The following D2HGDH variants were observed in gnomAD, a reference collection of about 807,000 sequenced individuals.
The protein encoded by D2HGDH is D-2-hydroxyglutarate dehydrogenase, mitochondrial.
Under a neutral mutation model 46.9 loss-of-function variants are expected in D2HGDH, and 31 were observed. The observed-to-expected ratio is 0.66, with a 90% confidence interval of 0.50 to 0.89. The LOEUF (loss-of-function observed/expected upper bound fraction) is 0.89. Ranked by LOEUF, D2HGDH falls within the 40% of genes least tolerant of loss-of-function variation. D2HGDH has a pLI of 0.00. For missense variants in D2HGDH, 698 were observed against 720.8 expected (o/e 0.97, Z 0.36); for synonymous variants, 364 against 332.6 (o/e 1.09, Z -1.03).
chr2:241,755,929 T>C lies in D2HGDH; in HGVS notation c.1221T>C (p.Pro407=). The C allele has an allele frequency of 6.2e-7, 1 of 1,612,556 alleles. No homozygotes were observed. Among genetic ancestry groups the C allele is most frequent in the Admixed American group, 1.7e-5 (1 of 60,010 alleles). The change falls in exon 9 of 10, where the codon CCT becomes CCC. Residue 407 remains proline (P), a synonymous_variant. Coordinates refer to ENST00000321264, the MANE Select transcript of D2HGDH (RefSeq NM_152783.5). The part of the protein sequence containing the change: ...GYVYKYDLSL[P]VERLYDIVTD... Reference sequence around the variant, plus strand: ...TGTACAAGTACGACCTCTCCCTCCCTGTGGAGCGGCTCTACGACATCGTGA... The same window carrying C: ...TGTACAAGTACGACCTCTCCCTCCCCGTGGAGCGGCTCTACGACATCGTGA...
At position 241,743,240 on chromosome 2, in the gene D2HGDH, G is replaced by T. The variant is rs933869080; in HGVS notation, c.491-382G>T. Among the ~76,000 whole-genome samples the T allele has an allele frequency of 6.6e-6, 1 of 152,216 alleles. No individual in the cohort carries two copies. Among genetic ancestry groups the T allele is most frequent in the Non-Finnish European group, 1.5e-5 (1 of 68,026 alleles). On this transcript the variant is annotated intron_variant, in intron 4 of 9. Coordinates refer to ENST00000321264, the MANE Select transcript of D2HGDH (RefSeq NM_152783.5). The surrounding 1 kb of genome is among the most constrained non-coding windows in gnomAD (Gnocchi z 4.8). ...CGCCTGCACTGTTGGGTGTTGAGCA[G>T]CATCCTTGGCCTCCGCCTACAAGGT...
chr2:241,752,286 G>A (rs542999763), intron 8 of D2HGDH, among the ~76,000 whole-genome samples: 1 of 152,172 alleles, frequency 6.6e-6, no homozygotes, highest in East Asian at 1.9e-4. Flanking sequence ...GGGCTCACTT[G>A]TGTGTCCTGA....
chr2:241,750,553 C>G (rs1252251725), intron 7 of D2HGDH, among the ~76,000 whole-genome samples: 54 of 152,206 alleles, frequency 3.5e-4, no homozygotes, highest in Non-Finnish European at 7.3e-5. Flanking sequence ...GCAGGAAGGA[C>G]GGGAAGGAAC....
At chr2:241,740,017 C>T (rs1423342517) in intron 2 of D2HGDH, among the ~76,000 whole-genome samples, 1 of 152,116 alleles carries the variant, frequency 6.6e-6, no homozygotes, top group South Asian at 2.1e-4. Context: ...TGGTGGCAGG[C>T]ACCTGTAGTC....
intron 9 of D2HGDH, among the ~76,000 whole-genome samples, chr2:241,760,369 G>T (rs542251455): frequency 7.0e-6 from 1 of 143,706 alleles, no homozygotes; most frequent in South Asian, 2.3e-4. Context: ...TACCCAATCA[G>T]TCGAAGGCCT....
At chr2:241,738,251 T>C (rs1413914421) in intron 2 of D2HGDH, among the ~76,000 whole-genome samples, 1 of 152,128 alleles carries the variant, frequency 6.6e-6, no homozygotes, top group African/African-American at 2.4e-5. Flanking sequence ...GGCTCACGAA[T>C]GTTGTCCCCG....
At chr2:241,740,965 G>A in intron 2 of D2HGDH, 68 bp from the exon 3 acceptor site, 1 of 1,340,784 alleles carries the variant, frequency 7.5e-7, no homozygotes, top group Non-Finnish European at 1.1e-6. Context: ...GCTCTCTGGG[G>A]CGAGTGACCA....
In D2HGDH at chr2:241,750,149, A is replaced by G; in HGVS notation, c.854-2A>G. On this transcript the variant is annotated splice_acceptor_variant, in intron 6 of 9. Coordinates refer to ENST00000321264, the MANE Select transcript of D2HGDH (RefSeq NM_152783.5). LOFTEE classifies it high-confidence loss of function. ...TGCTTGACATGCTGTGACCCGTTTCAGGCTGCCCAGGCTTTGCTGAGGTTC... is the reference window on the plus strand; with the variant it reads ...TGCTTGACATGCTGTGACCCGTTTCGGGCTGCCCAGGCTTTGCTGAGGTTC... 1 of 1,613,918 alleles carries G rather than the reference A, an allele frequency of 6.2e-7. No homozygotes were observed. The highest frequency in any genetic ancestry group is 8.5e-7 in the Non-Finnish European group (1 of 1,180,010).
intron 6 of D2HGDH, among the ~76,000 whole-genome samples, chr2:241,746,900 A>C (rs1253209644): frequency 6.6e-6 from 1 of 152,154 alleles, no homozygotes; most frequent in Non-Finnish European, 1.5e-5. Context: ...AAAAAAAAAA[A>C]AAAACTTTGA....
chr2:241,749,835 G>T, intron 6 of D2HGDH: 1 of 409,490 alleles, frequency 2.4e-6, no homozygotes. Context: ...TGATGCTGGT[G>T]GTGACACCAG....
At chr2:241,737,894 G>T (rs1338630124) in intron 2 of D2HGDH, among the ~76,000 whole-genome samples, 1 of 152,200 alleles carries the variant, frequency 6.6e-6, no homozygotes, top group Non-Finnish European at 1.5e-5. Flanking sequence ...GCTGTCATTG[G>T]GAAGATCTGG....
Position 241,748,820 on chromosome 2 carries a change from C to T in D2HGDH, c.854-1331C>T, listed in dbSNP as rs1441041433. On this transcript the variant is annotated intron_variant, in intron 6 of 9. Transcript: ENST00000321264. ...GCCATCTGGATCGGTGGTTCCTCTT[C>T]ATCCAGGTTTTCTGTGTTCTGCTCT... 1.6e-5 allele frequency: 19 copies of T among 1,194,288 alleles called. No individual in the cohort carries two copies. In the South Asian group the frequency reaches 2.8e-4, roughly 18 times the overall value. The allele number at this position is 1,194,288 out of a possible 1,614,324, so 74.0% of individuals were successfully genotyped here.
chr2:241,756,084 C>G, intron 9 of D2HGDH, 70 bp downstream of exon 9: 1 of 1,514,754 alleles, frequency 6.6e-7, no homozygotes, highest in Non-Finnish European at 8.8e-7. Context: ...CGTCACCCTG[C>G]CAGGCTTCGA....
intron 9 of D2HGDH, among the ~76,000 whole-genome samples, chr2:241,759,043 T>C (rs575846101): frequency 7.9e-5 from 12 of 152,298 alleles, no homozygotes; most frequent in Non-Finnish European, 1.2e-4. Flanking sequence ...TTAAAAATTA[T>C]TGATTTCTTT....
At chr2:241,737,299 G>T (rs540830121) in intron 2 of D2HGDH, among the ~76,000 whole-genome samples, 2 of 152,342 alleles carry the variant, frequency 1.3e-5, no homozygotes, top group East Asian at 3.9e-4. Flanking sequence ...CCCATTCACA[G>T]GTCTTGGGGC....
rs548807834 is a variant in D2HGDH, at chr2:241,755,978, C to T, written c.1270C>T (p.Pro424Ser). ...IVTDLRARLG[P>S]HAKHVVGYGH... ...GACTGACCTGCGCGCCCGCCTCGGC[C>T]CGCACGCCAAGCACGTGGTGGGCTA... Residue 424 changes from proline (P) to serine (S), a missense_variant, in exon 9 of 10, where the codon CCG becomes TCG. Pro to Ser is a moderately conservative substitution (Grantham distance 74). Transcript: ENST00000321264. 1.9e-6 allele frequency: 3 copies of T among 1,604,246 alleles called. No homozygotes were observed. Among genetic ancestry groups the T allele is most frequent in the Non-Finnish European group, 2.6e-6 (3 of 1,173,088 alleles).
At chr2:241,757,613 T>G (rs1698311319) in intron 9 of D2HGDH, among the ~76,000 whole-genome samples, 1 of 152,124 alleles carries the variant, frequency 6.6e-6, no homozygotes, top group Non-Finnish European at 1.5e-5. Context: ...TGGCCACAGA[T>G]AAAGCAGACC....
In D2HGDH at chr2:241,751,377, A is replaced by G. The variant is rs1231287363; in HGVS notation, c.1129A>G (p.Arg377Gly). 2 of 1,613,394 alleles carry G rather than the reference A, an allele frequency of 1.2e-6. No homozygotes were observed. The highest frequency in any genetic ancestry group is 2.2e-5 in the South Asian group (2 of 91,060). The change falls in exon 8 of 10, where the codon AGG becomes GGG. Residue 377 changes from arginine to glycine, a missense_variant. By Grantham distance (125) the Arg-to-Gly change is moderately radical (BLOSUM62 -2). Coordinates refer to ENST00000321264, the MANE Select transcript of D2HGDH (RefSeq NM_152783.5). ...VTDGTMATDQ[R>G]KVKMLWALRE... ...CGATGGGACCATGGCCACCGACCAG[A>G]GGAAAGTCAAGGTGCCCTGTGTCCT...
Position 241,742,143 on chromosome 2 carries a change from C to T in D2HGDH, c.351-292C>T, listed in dbSNP as rs918149079. On this transcript the variant is annotated intron_variant, in intron 3 of 9. Coordinates refer to ENST00000321264, the MANE Select transcript of D2HGDH (RefSeq NM_152783.5). The surrounding 1 kb of genome is among the most constrained non-coding windows in gnomAD (Gnocchi z 4.8). ...GGACCCTCTGTGAGCATGGTGTGAA[C>T]GGGAAGGATGGGAGCCGGGCGTGTA... is the stretch of plus-strand genomic sequence containing the variant. 1.2e-4 allele frequency among the ~76,000 whole-genome samples: 18 copies of T among 152,032 alleles called. No homozygotes were observed. The highest frequency in any genetic ancestry group is 2.2e-4 in the Non-Finnish European group (15 of 68,010).
Sources: gnomAD v4.1 joint callset for allele counts (sites outside exome capture counted in the v4.1 genomes callset) on GRCh38, gnomAD v4.1.1 for gene constraint, Gnocchi (gnomAD v3.1) non-coding constraint, MANE v1.5 for transcripts, NCBI Gene and HGNC (gene_info 2026-07-23, HGNC 2026-07-21) for gene names.